Variants in CACNA1C observed in about 807,000 individuals in gnomAD.
CACNA1C encodes the protein calcium voltage-gated channel subunit alpha1 C, also known as voltage-dependent L-type calcium channel subunit alpha-1C.
Under a neutral mutation model 229.0 loss-of-function variants are expected in CACNA1C, and 30 were observed. The observed-to-expected ratio is 0.13, with a 90% CI of 0.10 to 0.18. The LOEUF (loss-of-function observed/expected upper bound fraction) is 0.18, where lower values mean the gene tolerates loss of function less well. Among genes scored for constraint, CACNA1C ranks in the 10% least tolerant of loss-of-function variants. The probability of loss-of-function intolerance (pLI) is 1.00; values close to 1 mark genes in which losing one functional copy is unlikely to be tolerated. For synonymous variants in CACNA1C, 1,114 were observed against 1,132.5 expected, an observed-to-expected ratio of 0.98 and a Z score of 0.33; for missense variants, 1,658 against 2,845.0, an observed-to-expected ratio of 0.58 and a Z score of 9.49.
rs555374269 is a variant in CACNA1C at position 2,589,554 on chromosome 12, G to T, written c.2530+3650G>T. Among the ~76,000 whole-genome samples the T allele has an allele frequency of 3.7e-4, 57 of 152,360 alleles. 1 individual carries two copies. Among genetic ancestry groups the T allele is most frequent in the South Asian group, 1.4e-3 (7 of 4,830 alleles). The stretch of plus-strand genomic sequence containing the variant: ...CAAGGGATAGTGCCCTGAGGCGAGA[G>T]GCCGGGGCAGGGCAGGAGGGCAGGG... On this transcript the variant is annotated intron_variant, in intron 18 of 46. Coordinates refer to ENST00000399655, the MANE Select transcript of CACNA1C (RefSeq NM_000719.7).
intron 3 of CACNA1C, among the ~76,000 whole-genome samples, chr12:2,175,928 C>T (rs188605786): frequency 7.9e-5 from 12 of 152,212 alleles, no homozygotes; most frequent in African/African-American, 1.9e-4. Context: ...TGCTGGGTAT[C>T]GTTCTAACAT....
chr12:2,090,840 A>G (rs765047410), intron 1 of CACNA1C, among the ~76,000 whole-genome samples: 21 of 152,096 alleles, frequency 1.4e-4, no homozygotes, highest in Admixed American at 6.5e-5. Flanking sequence ...TGGCTGCTCC[A>G]TTTTACTTTC....
At chr12:2,205,697 G>A (rs2097735455) in intron 3 of CACNA1C, among the ~76,000 whole-genome samples, 1 of 152,094 alleles carries the variant, frequency 6.6e-6, no homozygotes, top group African/African-American at 2.4e-5. Context: ...AGAAGGTTTG[G>A]GGTCATCTTA....
chr12:2,607,934 T>A (rs1373047871), intron 26 of CACNA1C: 1 of 152,530 alleles, frequency 6.6e-6, no homozygotes, highest in African/African-American at 2.4e-5. Flanking sequence ...GGGGAAGAGA[T>A]AATCCCTGTC....
At chr12:2,514,598 G>T (rs544560527) in intron 9 of CACNA1C, among the ~76,000 whole-genome samples, 1 of 152,280 alleles carries the variant, frequency 6.6e-6, no homozygotes, top group Admixed American at 6.5e-5. Context: ...CCACGGAGAA[G>T]CCTACCTCTA....
intron 1 of CACNA1C, among the ~76,000 whole-genome samples, chr12:2,093,249 C>G (rs118129011): frequency 0.016 from 2,416 of 152,310 alleles, 29 homozygotes; most frequent in South Asian, 0.038. Flanking sequence ...CCCAGGGAGG[C>G]TAGTGGCTTC....
chr12:2,248,362 A>G (rs946860507), intron 3 of CACNA1C, among the ~76,000 whole-genome samples: 1 of 152,140 alleles, frequency 6.6e-6, no homozygotes, highest in African/African-American at 2.4e-5. Context: ...TCCAGGGAAC[A>G]TTTCTCTGCA....
Position 2,694,354 on chromosome 12 carries a change from C to T in CACNA1C, c.*3155C>T, listed in dbSNP as rs1181986374. 6.6e-6 allele frequency: 1 copy of T among 152,200 alleles called. No individual in the cohort carries two copies. Among genetic ancestry groups the T allele is most frequent in the Non-Finnish European group, 1.5e-5 (1 of 68,040 alleles). The allele number at this position is 152,200 out of a possible 1,614,324, so 9.4% of individuals were successfully genotyped here. ...TCTTCCATACCCCTCCTGACAGCCC[C>T]CAAGTGTCAGGAGAAAACAGTCAGG... On this transcript the variant is annotated 3_prime_UTR_variant, in exon 47 of 47. Transcript: ENST00000399655.
intron 3 of CACNA1C, among the ~76,000 whole-genome samples, chr12:2,252,932 G>A (rs1366254354): frequency 6.6e-6 from 1 of 150,762 alleles, no homozygotes. Flanking sequence ...GCCCTCTCCC[G>A]CAAAAGGAAT....
rs976912991 is a variant in CACNA1C, at chr12:2,585,795, A to T, written c.2461-40A>T. ...TGCAAGCCTCTTAACTTGGGGACGT[A>T]TCTAACTATTCTTCCCCCTTCTCCC... On this transcript the variant is annotated intron_variant, in intron 17 of 46. Transcript: ENST00000399655. The surrounding 1 kb of genome is among the most constrained non-coding windows in gnomAD (Gnocchi z 4.1). 6.9e-7 allele frequency: 1 copy of T among 1,456,778 alleles called. No individual in the cohort carries two copies. Among genetic ancestry groups the T allele is most frequent in the African/African-American group, 1.4e-5 (1 of 70,240 alleles). 90.2% of individuals were successfully genotyped at this position (1,456,778 alleles called of 1,614,324 possible). A position where few individuals can be genotyped will look rare whatever the true frequency, so the allele number is the denominator to read the frequency against.
intron 3 of CACNA1C, among the ~76,000 whole-genome samples, chr12:2,257,243 C>T (rs2078299554): frequency 6.6e-6 from 1 of 152,160 alleles, no homozygotes; most frequent in African/African-American, 2.4e-5. Context: ...ATGGGCCACA[C>T]CTGTCTCCAA....
chr12:2,562,358 T>C (rs1196744056), intron 11 of CACNA1C, among the ~76,000 whole-genome samples: 6 of 152,234 alleles, frequency 3.9e-5, no homozygotes, highest in Non-Finnish European at 8.8e-5. Flanking sequence ...ATAACAATTA[T>C]CAGTGATTTC....
intron 3 of CACNA1C, among the ~76,000 whole-genome samples, chr12:2,381,834 T>G (rs907048672): frequency 6.6e-6 from 1 of 152,224 alleles, no homozygotes; most frequent in East Asian, 1.9e-4. Context: ...TGACTTTGAC[T>G]ATGGGGATGC....
chr12:2,344,809 C>G (rs2096963549), intron 3 of CACNA1C, among the ~76,000 whole-genome samples: 1 of 151,900 alleles, frequency 6.6e-6, no homozygotes, highest in Non-Finnish European at 1.5e-5. Context: ...TTCTACTTGC[C>G]AGGTTACTCC....
intron 1 of CACNA1C, among the ~76,000 whole-genome samples, chr12:2,047,523 G>A (rs566883174): frequency 6.6e-6 from 1 of 152,328 alleles, no homozygotes; most frequent in African/African-American, 2.4e-5. Context: ...GCTCTTCGCT[G>A]TATTTAAAGT....
intron 3 of CACNA1C, among the ~76,000 whole-genome samples, chr12:2,247,748 C>T (rs1010734343): frequency 2.0e-5 from 3 of 152,186 alleles, no homozygotes; most frequent in South Asian, 2.1e-4. Context: ...GGATTCTTGC[C>T]GAGCCTCTTT....
intron 3 of CACNA1C, among the ~76,000 whole-genome samples, chr12:2,294,164 C>A (rs1464664290): frequency 6.6e-6 from 1 of 152,056 alleles, no homozygotes; most frequent in African/African-American, 2.4e-5. Context: ...AGTATATATT[C>A]ATAATTTAGG....
chr12:1,991,215 C>G, intron 1 of CACNA1C: 1 of 456,070 alleles, frequency 2.2e-6, no homozygotes, highest in Non-Finnish European at 4.4e-6. Context: ...TTTACACAGT[C>G]TGCCTCCTCA....
intron 3 of CACNA1C, among the ~76,000 whole-genome samples, chr12:2,397,208 T>C (rs149312389): frequency 3.3e-4 from 50 of 152,336 alleles, no homozygotes; most frequent in African/African-American, 1.2e-3. Flanking sequence ...ACACTTAAAC[T>C]CTGGGGACTG....
Sources: gnomAD v4.1 joint callset for allele counts (sites outside exome capture counted in the v4.1 genomes callset) on GRCh38, gnomAD v4.1.1 for gene constraint, Gnocchi (gnomAD v3.1) non-coding constraint, MANE v1.5 for transcripts, NCBI Gene and HGNC (gene_info 2026-07-23, HGNC 2026-07-21) for gene names.